POU2F1: variants seen among roughly 807,000 people sequenced by gnomAD.
POU2F1 encodes POU class 2 homeobox 1, also known as POU domain, class 2, transcription factor 1.
A neutral mutation model predicts 84.9 loss-of-function variants in POU2F1; 16 were observed. The ratio of observed to expected loss-of-function variants is 0.19; its 90% CI spans 0.13 to 0.29. POU2F1 has a LOEUF of 0.29. Among genes scored for constraint, POU2F1 ranks in the 10% least tolerant of loss-of-function variants. The pLI is 1.00. For missense variants in POU2F1, 738 were observed against 942.6 expected (o/e 0.78, Z 2.84); for synonymous variants, 368 against 368.3 (o/e 1.00, Z 0.01).
At position 167,419,624 on chromosome 1, in the gene POU2F1, T is replaced by C. The variant is rs952036480; in HGVS notation, c.*3814T>C. The C allele has an allele frequency of 7.9e-5, 12 of 152,236 alleles. No individual in the cohort carries two copies. Among genetic ancestry groups the C allele is most frequent in the Non-Finnish European group, 1.3e-4 (9 of 68,034 alleles). The allele number at this position is 152,236 out of a possible 1,614,324, so 9.4% of individuals were successfully genotyped here. On this transcript the variant is annotated 3_prime_UTR_variant, in exon 16 of 16. Coordinates refer to ENST00000367866, the MANE Select transcript of POU2F1 (RefSeq NM_002697.4). The stretch of plus-strand genomic sequence containing the variant: ...TATGTTGTTCTAAGAAAAAATAAGT[T>C]GAGTGCTGTATTAGTTTAAGTGTTT...
intron 1 of POU2F1, among the ~76,000 whole-genome samples, chr1:167,325,936 G>C (rs916901876): frequency 6.6e-6 from 1 of 151,502 alleles, no homozygotes; most frequent in African/African-American, 2.4e-5. Context: ...CTGGGTCCTG[G>C]AAGAGCGTTT....
chr1:167,220,962 A>G lies in POU2F1; in HGVS notation c.61+4A>G. 3 of 1,534,722 alleles carry G rather than the reference A, an allele frequency of 2.0e-6. No homozygotes were observed. Among genetic ancestry groups the G allele is most frequent in the South Asian group, 1.2e-5 (1 of 83,998 alleles). On this transcript the variant is annotated splice_donor_region_variant and intron_variant, in intron 1 of 15. Transcript: ENST00000367866. ...GCCGCGGCGGCAGCAGCAGCAGGTA[A>G]TCATTACAGCATTTTACATATTCAT...
intron 3 of POU2F1, among the ~76,000 whole-genome samples, chr1:167,366,985 G>A (rs1659718214): frequency 6.6e-6 from 1 of 152,016 alleles, no homozygotes; most frequent in Non-Finnish European, 1.5e-5. Context: ...GATCCTTCTG[G>A]ATCCAAATTC....
chr1:167,355,372 G>A (rs1658868866), intron 2 of POU2F1, among the ~76,000 whole-genome samples: 1 of 151,990 alleles, frequency 6.6e-6, no homozygotes, highest in Non-Finnish European at 1.5e-5. Context: ...TGGTATATGT[G>A]TTGATCCCTA....
chr1:167,227,934 A>G (rs545207223), intron 1 of POU2F1, among the ~76,000 whole-genome samples: 11 of 152,208 alleles, frequency 7.2e-5, no homozygotes, highest in Non-Finnish European at 1.0e-4. Flanking sequence ...AGATGAGGAA[A>G]TATTTTCACA....
intron 1 of POU2F1, among the ~76,000 whole-genome samples, chr1:167,255,863 TA>T (rs879581184): frequency 1.3e-5 from 2 of 152,172 alleles, no homozygotes; most frequent in Non-Finnish European, 2.9e-5. Context: ...GATTAGGTTT[TA>T]AAAGAAGATA....
chr1:167,351,082 G>A (rs928604952), intron 2 of POU2F1, among the ~76,000 whole-genome samples: 1 of 152,158 alleles, frequency 6.6e-6, no homozygotes, highest in Non-Finnish European at 1.5e-5. Flanking sequence ...GCCAGTCATG[G>A]TGGCTCACAC....
At chr1:167,392,582 T>C (rs1005420217) in intron 9 of POU2F1, among the ~76,000 whole-genome samples, 2 of 152,212 alleles carry the variant, frequency 1.3e-5, no homozygotes, top group African/African-American at 4.8e-5. Flanking sequence ...GTGGTTTGCC[T>C]TTCTGCATTT....
In POU2F1 at chr1:167,421,484, G is replaced by C. The variant is rs926177414; in HGVS notation, c.*5674G>C. 3 of 152,120 alleles carry C rather than the reference G, an allele frequency of 2.0e-5. No homozygotes were observed. Among genetic ancestry groups the C allele is most frequent in the African/African-American group, 7.2e-5 (3 of 41,418 alleles). The allele number at this position is 152,120 out of a possible 1,614,324, so 9.4% of individuals were successfully genotyped here. On this transcript the variant is annotated 3_prime_UTR_variant, in exon 16 of 16. Coordinates refer to ENST00000367866, the MANE Select transcript of POU2F1 (RefSeq NM_002697.4). ...GTACCCAGTTTTCTATATGGTTTGT[G>C]AACTGTAGCTTTTAAAAAAAAATTT...
chr1:167,396,246 G>T (rs1648802039), intron 9 of POU2F1, 40 bp from the exon 10 acceptor site: 1 of 1,608,414 alleles, frequency 6.2e-7, no homozygotes, highest in Non-Finnish European at 8.5e-7. Context: ...AGATAACTCT[G>T]TCTTTCCTCT....
chr1:167,314,391 A>C (rs1346352080), intron 1 of POU2F1, among the ~76,000 whole-genome samples: 1 of 152,194 alleles, frequency 6.6e-6, no homozygotes, highest in Non-Finnish European at 1.5e-5. Context: ...ACAATACCAA[A>C]TGCTAGTAGA....
intron 1 of POU2F1, among the ~76,000 whole-genome samples, chr1:167,295,344 A>T (rs6687134): frequency 0.15 from 22,390 of 152,256 alleles, 1,986 homozygotes; most frequent in Non-Finnish European, 0.2. Context: ...AATACTACTC[A>T]GCCATAAAAA....
chr1:167,380,909 C>T (rs1043008608), intron 7 of POU2F1: 8 of 152,132 alleles, frequency 5.3e-5, no homozygotes, highest in African/African-American at 1.9e-4. Context: ...AAAATTCTTA[C>T]TGATAGATTA....
At chr1:167,251,271 C>T (rs995785654) in intron 1 of POU2F1, among the ~76,000 whole-genome samples, 2 of 152,030 alleles carry the variant, frequency 1.3e-5, no homozygotes, top group Non-Finnish European at 2.9e-5. Context: ...TGGTAGCAAG[C>T]GCCTGTGGTC....
rs1461444394 is a variant in POU2F1, at chr1:167,417,750, G to A, written c.*1940G>A. The A allele has an allele frequency of 6.6e-6, 1 of 152,174 alleles. No individual in the cohort carries two copies. Among genetic ancestry groups the A allele is most frequent in the Admixed American group, 6.5e-5 (1 of 15,286 alleles). 9.4% of individuals were successfully genotyped at this position (152,174 alleles called of 1,614,324 possible). The stretch of plus-strand genomic sequence containing the variant: ...TGCTTTTGTTTGTGTCCACAAGGGA[G>A]CTTGGATTCTGTGTACTTGTCTCTT... On this transcript the variant is annotated 3_prime_UTR_variant, in exon 16 of 16. Transcript: ENST00000367866.
rs1571477500 is a variant in POU2F1, at chr1:167,415,962, CACACCCAT to C, written c.*157_*164del. 3 of 706,812 alleles carry C rather than the reference CACACCCAT, an allele frequency of 4.2e-6. No homozygotes were observed. In the East Asian group the frequency reaches 8.5e-5, roughly 20 times the overall value. 43.8% of individuals were successfully genotyped at this position (706,812 alleles called of 1,614,324 possible). A position where few individuals can be genotyped will look rare whatever the true frequency, so the allele number is the denominator to read the frequency against. ...GGGAGAAAAAAAAAAAAAAACCACA[CACACCCAT>C]ACACACATACCAGAAAAAGAAAGAA... On this transcript the variant is annotated 3_prime_UTR_variant, in exon 16 of 16. Transcript: ENST00000367866.
At chr1:167,389,792 C>A in intron 9 of POU2F1, 31 bp downstream of exon 9, 1 of 1,597,900 alleles carries the variant, frequency 6.3e-7, no homozygotes. Context: ...ATTGATTCCC[C>A]TCCTTGGCTG....
chr1:167,397,917 G>T, intron 10 of POU2F1, 77 bp from the exon 11 acceptor site: 1 of 1,409,916 alleles, frequency 7.1e-7, no homozygotes, highest in Non-Finnish European at 9.7e-7. Flanking sequence ...TGTCAGTTTT[G>T]TTGTTAATAT....
At chr1:167,327,276 CA>C (rs948882203) in intron 1 of POU2F1, among the ~76,000 whole-genome samples, 1 of 152,138 alleles carries the variant, frequency 6.6e-6, no homozygotes, top group Non-Finnish European at 1.5e-5. Flanking sequence ...ATTTATCTCA[CA>C]ATAACCTCAT....
Sources: gnomAD v4.1 joint callset for allele counts (sites outside exome capture counted in the v4.1 genomes callset) on GRCh38, gnomAD v4.1.1 for gene constraint, MANE v1.5 for transcripts, NCBI Gene and HGNC (gene_info 2026-07-23, HGNC 2026-07-21) for gene names.